Variants in CBX5 observed in about 807,000 individuals in gnomAD.
The protein encoded by CBX5 is chromobox protein homolog 5.
A neutral mutation model predicts 20.7 loss-of-function variants in CBX5; 7 were observed. The observed-to-expected ratio is 0.34, with a 90% CI of 0.19 to 0.63. The LOEUF (loss-of-function observed/expected upper bound fraction) is 0.63, where lower values mean the gene tolerates loss of function less well. Among genes scored for constraint, CBX5 ranks in the 30% least tolerant of loss-of-function variants. The pLI is 0.75. For missense variants in CBX5, 110 were observed against 224.1 expected, an observed-to-expected ratio of 0.49 and a Z score of 3.25; for synonymous variants, 78 against 77.0, an observed-to-expected ratio of 1.01 and a Z score of -0.07.
intron 1 of CBX5, chr12:54,277,003 G>T (rs955388623): frequency 2.0e-5 from 3 of 152,268 alleles, no homozygotes; most frequent in East Asian, 1.9e-4. Context: ...GCAATCAATC[G>T]TATGTGTAAG....
In CBX5 at chr12:54,234,393, T is replaced by TA. The variant is rs906378032; in HGVS notation, c.*7361dup. The TA allele has an allele frequency of 6.9e-4, 105 of 152,036 alleles. No individual in the cohort carries two copies. The highest frequency in any genetic ancestry group is 3.4e-3 in the Middle Eastern group (1 of 290). The allele number at this position is 152,036 out of a possible 1,614,324, so 9.4% of individuals were successfully genotyped here. A position where few individuals can be genotyped will look rare whatever the true frequency, so the allele number is the denominator to read the frequency against. The stretch of plus-strand genomic sequence containing the variant: ...TTCCTAAAAATAAAAAGAAATCCCT[T>TA]AAAAAAGGCTGACAAACTGACCACT... On this transcript the variant is annotated 3_prime_UTR_variant, in exon 5 of 5. Coordinates refer to ENST00000209875, the MANE Select transcript of CBX5 (RefSeq NM_012117.3).
rs750181266 is a variant in CBX5 at position 54,241,641 on chromosome 12, T to TA, written c.*113dup. ...ACATTTCTCCTGTGGAGCACAGTGA[T>TA]AAGCACATTTTTTATGGATGTGTTT... is the stretch of plus-strand genomic sequence containing the variant. On this transcript the variant is annotated 3_prime_UTR_variant, in exon 5 of 5. Transcript: ENST00000209875. The TA allele has an allele frequency of 2.1e-6, 2 of 965,764 alleles. No individual in the cohort carries two copies. Among genetic ancestry groups the TA allele is most frequent in the Non-Finnish European group, 3.1e-6 (2 of 641,204 alleles). The allele number at this position is 965,764 out of a possible 1,614,324, so 59.8% of individuals were successfully genotyped here. A position where few individuals can be genotyped will look rare whatever the true frequency, so the allele number is the denominator to read the frequency against.
Position 54,237,656 on chromosome 12 carries a change from C to A in CBX5, c.*4099G>T. The A allele has an allele frequency of 6.5e-6, 1 of 154,174 alleles. No individual in the cohort carries two copies. Among genetic ancestry groups the A allele is most frequent in the Non-Finnish European group, 1.5e-5 (1 of 68,712 alleles). The allele number at this position is 154,174 out of a possible 1,614,324, so 9.6% of individuals were successfully genotyped here. On this transcript the variant is annotated 3_prime_UTR_variant, in exon 5 of 5. Transcript: ENST00000209875. ...AAGCTTGTTTTGGGGACAGGAATTC[C>A]AAGAGTCTGAGTGAAGATGTGGTTG...
In CBX5 at chr12:54,232,839, T is replaced by A. The variant is rs1943582040; in HGVS notation, c.*8916A>T. On this transcript the variant is annotated 3_prime_UTR_variant, in exon 5 of 5. Transcript: ENST00000209875. ...TTATTTTGTAAAGAAATATTCACTT[T>A]ATCTTAGGAGGTGAAGGACTAAGTC... 6.6e-6 allele frequency: 1 copy of A among 152,188 alleles called. No homozygotes were observed. The highest frequency in any genetic ancestry group is 1.5e-5 in the Non-Finnish European group (1 of 68,030). The allele number at this position is 152,188 out of a possible 1,614,324, so 9.4% of individuals were successfully genotyped here.
chr12:54,257,379 G>T, intron 2 of CBX5, 135 bp downstream of exon 2: 1 of 793,594 alleles, frequency 1.3e-6, no homozygotes. Flanking sequence ...TTTCTTTACT[G>T]CTGTGTCTTC....
At position 54,235,193 on chromosome 12, in the gene CBX5, T is replaced by C. The variant is rs1340580210; in HGVS notation, c.*6562A>G. ...CATCCATGGGTCAGAATCGACAACA[T>C]CCTTACGATCAGACTGTTTCTTAAC... On this transcript the variant is annotated 3_prime_UTR_variant, in exon 5 of 5. Coordinates refer to ENST00000209875, the MANE Select transcript of CBX5 (RefSeq NM_012117.3). The C allele has an allele frequency of 6.6e-6, 1 of 152,192 alleles. No homozygotes were observed. Among genetic ancestry groups the C allele is most frequent in the Non-Finnish European group, 1.5e-5 (1 of 68,024 alleles). 9.4% of individuals were successfully genotyped at this position (152,192 alleles called of 1,614,324 possible). A position where few individuals can be genotyped will look rare whatever the true frequency, so the allele number is the denominator to read the frequency against.
At chr12:54,263,762 C>CAAAA (rs66591051) in intron 1 of CBX5, among the ~76,000 whole-genome samples, 2 of 37,804 alleles carry the variant, frequency 5.3e-5, no homozygotes, top group African/African-American at 1.1e-4. Flanking sequence ...GACTCTATCT[C>CAAAA]AAAAAAAAAA....
chr12:54,276,382 C>T (rs559014354), intron 1 of CBX5, among the ~76,000 whole-genome samples: 20 of 152,176 alleles, frequency 1.3e-4, no homozygotes, highest in Non-Finnish European at 2.1e-4. Flanking sequence ...AATCACCTAA[C>T]ACAAAGCCTG....
At chr12:54,266,987 A>G (rs1305792388) in intron 1 of CBX5, among the ~76,000 whole-genome samples, 3 of 152,318 alleles carry the variant, frequency 2.0e-5, no homozygotes, top group Admixed American at 6.5e-5. Context: ...TTTATGAGAA[A>G]GCAGAATTTG....
intron 1 of CBX5, chr12:54,279,039 A>C (rs1944099483): frequency 6.6e-6 from 1 of 152,206 alleles, no homozygotes; most frequent in South Asian, 2.1e-4. Flanking sequence ...CAAATTATTA[A>C]CCTTGCAAAG....
At chr12:54,246,245 G>C (rs774880542) in intron 3 of CBX5, 30 bp from the exon 4 acceptor site, 1 of 1,529,784 alleles carries the variant, frequency 6.5e-7, no homozygotes, top group Non-Finnish European at 9.0e-7. Flanking sequence ...AAAGGTTACA[G>C]CTTGTGGAAA....
At chr12:54,256,380 A>G (rs1943863489) in intron 2 of CBX5, among the ~76,000 whole-genome samples, 1 of 152,196 alleles carries the variant, frequency 6.6e-6, no homozygotes, top group Non-Finnish European at 1.5e-5. Flanking sequence ...GCATCCTGCA[A>G]TGCATGAATG....
intron 1 of CBX5, among the ~76,000 whole-genome samples, chr12:54,275,766 G>C (rs894324030): frequency 6.6e-6 from 1 of 151,764 alleles, no homozygotes; most frequent in Non-Finnish European, 1.5e-5. Flanking sequence ...AGCACTTTGG[G>C]AGGCCAAGGC....
rs946226779 is a variant in CBX5 at position 54,235,284 on chromosome 12, C to T, written c.*6471G>A. Reference sequence around the variant, plus strand: ...ATATACAAGGTATATGTATTTCTGGCAAAGGTTTCCACATAACTGATACAA... The same window carrying T: ...ATATACAAGGTATATGTATTTCTGGTAAAGGTTTCCACATAACTGATACAA... On this transcript the variant is annotated 3_prime_UTR_variant, in exon 5 of 5. Coordinates refer to ENST00000209875, the MANE Select transcript of CBX5 (RefSeq NM_012117.3). The T allele has an allele frequency of 6.6e-5, 10 of 152,154 alleles. No individual in the cohort carries two copies. Among genetic ancestry groups the T allele is most frequent in the African/African-American group, 2.2e-4 (9 of 41,426 alleles). The allele number at this position is 152,154 out of a possible 1,614,324, so 9.4% of individuals were successfully genotyped here. A position where few individuals can be genotyped will look rare whatever the true frequency, so the allele number is the denominator to read the frequency against.
intron 1 of CBX5, chr12:54,273,228 G>C (rs1403281441): frequency 6.6e-6 from 1 of 152,232 alleles, no homozygotes; most frequent in African/African-American, 2.4e-5. Context: ...CGGATCACCT[G>C]ATGTCAAGGG....
At chr12:54,254,574 C>T (rs561682932) in intron 2 of CBX5, among the ~76,000 whole-genome samples, 4 of 152,078 alleles carry the variant, frequency 2.6e-5, no homozygotes, top group South Asian at 2.1e-4. Flanking sequence ...ATTCCTCGGC[C>T]GGGCACGGTG....
intron 1 of CBX5, chr12:54,259,693 G>A (rs1943897302): frequency 6.6e-6 from 1 of 152,660 alleles, no homozygotes; most frequent in Non-Finnish European, 1.5e-5. Flanking sequence ...AGAAGCAAAT[G>A]GAAAAGTTAA....
chr12:54,267,515 C>CTT (rs370474036), intron 1 of CBX5, among the ~76,000 whole-genome samples: 4 of 143,794 alleles, frequency 2.8e-5, no homozygotes, highest in Admixed American at 7.0e-5. Context: ...CAATTTTTCT[C>CTT]TTTTTTTTTT....
In CBX5 at chr12:54,239,588, T is replaced by G. The variant is rs1943656175; in HGVS notation, c.*2167A>C. ...ATCCTTTCCTTCTTTTAGATACCGATCAGATTAAGTACAAGCAATTGTCAA... is the reference window on the plus strand; with the variant it reads ...ATCCTTTCCTTCTTTTAGATACCGAGCAGATTAAGTACAAGCAATTGTCAA... On this transcript the variant is annotated 3_prime_UTR_variant, in exon 5 of 5. Transcript: ENST00000209875. The G allele has an allele frequency of 1.3e-5, 2 of 152,192 alleles. No individual in the cohort carries two copies. The highest frequency in any genetic ancestry group is 6.3e-3 in the Middle Eastern group (2 of 316). The allele number at this position is 152,192 out of a possible 1,614,324, so 9.4% of individuals were successfully genotyped here. A position where few individuals can be genotyped will look rare whatever the true frequency, so the allele number is the denominator to read the frequency against.
Sources: allele counts gnomAD v4.1 joint callset (sites outside exome capture counted in the v4.1 genomes callset), GRCh38; gene constraint gnomAD v4.1.1; transcripts MANE v1.5; gene names NCBI Gene and HGNC (gene_info 2026-07-23, HGNC 2026-07-21).